Variants in UNC5C observed in about 807,000 individuals in gnomAD.
UNC5C encodes the protein unc-5 netrin receptor C.
In UNC5C, 47 loss-of-function variants were observed where a neutral mutation model predicts 99.8. That is an observed-to-expected ratio of 0.47 (90% confidence interval 0.37 to 0.60). The LOEUF is 0.60. Among genes scored for constraint, UNC5C ranks in the 20% least tolerant of loss-of-function variants. UNC5C has a pLI of 0.00. For missense variants in UNC5C, 1,062 were observed against 1,165.9 expected, an observed-to-expected ratio of 0.91 and a Z score of 1.30; for synonymous variants, 487 against 452.2, an observed-to-expected ratio of 1.08 and a Z score of -0.98.
chr4:95,527,867 C>T (rs1029382849), intron 1 of UNC5C, among the ~76,000 whole-genome samples: 2 of 152,088 alleles, frequency 1.3e-5, no homozygotes, highest in African/African-American at 4.8e-5. Flanking sequence ...TCACTTTACA[C>T]TATTCCCCTA....
At chr4:95,302,320 A>G (rs1301008367) in intron 2 of UNC5C, among the ~76,000 whole-genome samples, 1 of 152,242 alleles carries the variant, frequency 6.6e-6, no homozygotes, top group East Asian at 1.9e-4. Flanking sequence ...TAATAGTTTG[A>G]AAGCCCAAAA....
chr4:95,423,761 T>G (rs575714070), intron 1 of UNC5C, among the ~76,000 whole-genome samples: 31 of 152,318 alleles, frequency 2.0e-4, no homozygotes, highest in African/African-American at 7.0e-4. Context: ...TGCCCATTCC[T>G]GCACACATGA....
intron 1 of UNC5C, among the ~76,000 whole-genome samples, chr4:95,367,062 C>T (rs892164939): frequency 3.9e-5 from 6 of 152,070 alleles, no homozygotes; most frequent in African/African-American, 1.4e-4. Flanking sequence ...TTAGGTAGGG[C>T]AGAGTTTATT....
Position 95,185,126 on chromosome 4 carries a change from C to T in UNC5C, c.2207G>A (p.Gly736Asp). 6.2e-7 allele frequency: 1 copy of T among 1,613,982 alleles called. No homozygotes were observed. Among genetic ancestry groups the T allele is most frequent in the Non-Finnish European group, 8.5e-7 (1 of 1,179,998 alleles). ...LEEPKALHFK[G>D]STHNLRLSIH... ...TGACAGGCGCAGGTTGTGGGTGCTGCCTTTAAAATGAAGAGCCTTAGGTTC... is the reference window on the plus strand; with the variant it reads ...TGACAGGCGCAGGTTGTGGGTGCTGTCTTTAAAATGAAGAGCCTTAGGTTC... The change falls in exon 13 of 16, where the codon GGC becomes GAC. Residue 736 changes from glycine to aspartate, a missense_variant. This residue lies in a region of UNC5C where 810 missense variants were observed against 854.5 expected (regional missense o/e 0.95). Coordinates refer to ENST00000453304, the MANE Select transcript of UNC5C (RefSeq NM_003728.4).
intron 12 of UNC5C, among the ~76,000 whole-genome samples, chr4:95,188,919 A>G (rs1337232220): frequency 6.6e-6 from 1 of 152,216 alleles, no homozygotes; most frequent in Non-Finnish European, 1.5e-5. Context: ...TGTAACCACA[A>G]CACAGTGTGC....
rs1223077260 is a variant in UNC5C at position 95,166,909 on chromosome 4, C to T, written c.*2325G>A. On this transcript the variant is annotated 3_prime_UTR_variant, in exon 16 of 16. Coordinates refer to ENST00000453304, the MANE Select transcript of UNC5C (RefSeq NM_003728.4). ...GAACTTGTTTATAGTGCAATCTCTC[C>T]CTTCCCCAGTCAGTGTACAAATATT... 3 of 151,888 alleles carry T rather than the reference C, an allele frequency of 2.0e-5. No individual in the cohort carries two copies. Among genetic ancestry groups the T allele is most frequent in the East Asian group, 3.9e-4 (2 of 5,194 alleles). 9.4% of individuals were successfully genotyped at this position (151,888 alleles called of 1,614,324 possible). A position where few individuals can be genotyped will look rare whatever the true frequency, so the allele number is the denominator to read the frequency against.
chr4:95,499,166 T>C (rs1721706238), intron 1 of UNC5C, among the ~76,000 whole-genome samples: 1 of 152,026 alleles, frequency 6.6e-6, no homozygotes, highest in Non-Finnish European at 1.5e-5. Flanking sequence ...TGAGAAAAGG[T>C]TGGAATCTGG....
chr4:95,476,004 T>C (rs1259610540), intron 1 of UNC5C, among the ~76,000 whole-genome samples: 1 of 152,118 alleles, frequency 6.6e-6, no homozygotes, highest in African/African-American at 2.4e-5. Flanking sequence ...GTTAGATAAG[T>C]AAATATTTTG....
chr4:95,335,929 T>C (rs1743320451), intron 1 of UNC5C, among the ~76,000 whole-genome samples: 2 of 151,864 alleles, frequency 1.3e-5, no homozygotes, highest in Admixed American at 6.6e-5. Context: ...TTAAAAACCA[T>C]GATCTTCCCA....
chr4:95,423,225 G>C (rs1746370230), intron 1 of UNC5C, among the ~76,000 whole-genome samples: 1 of 152,260 alleles, frequency 6.6e-6, no homozygotes, highest in South Asian at 2.1e-4. Flanking sequence ...TTTCTCTCTG[G>C]GAATTGGAGG....
At chr4:95,281,043 C>T (rs1391386831) in intron 3 of UNC5C, among the ~76,000 whole-genome samples, 1 of 152,124 alleles carries the variant, frequency 6.6e-6, no homozygotes, top group African/African-American at 2.4e-5. Context: ...CAGTGAATAT[C>T]ATTTATGAGC....
intron 1 of UNC5C, among the ~76,000 whole-genome samples, chr4:95,340,481 T>C (rs958575712): frequency 2.0e-5 from 3 of 152,232 alleles, no homozygotes; most frequent in African/African-American, 7.2e-5. Flanking sequence ...ACTAGTTGAA[T>C]GAGACTCCAG....
Position 95,444,903 on chromosome 4 carries a change from T to C in UNC5C, c.124+103831A>G, listed in dbSNP as rs149183329. Among the ~76,000 whole-genome samples the C allele has an allele frequency of 5.9e-5, 9 of 152,228 alleles. No individual in the cohort carries two copies. In the East Asian group the frequency reaches 1.7e-3, roughly 29 times the overall value. On this transcript the variant is annotated intron_variant, in intron 1 of 15. Coordinates refer to ENST00000453304, the MANE Select transcript of UNC5C (RefSeq NM_003728.4). ...AACAGTTTTCAATTATATTTAGAAATGTACAGAGAAACATATGAAGAGCCA... is the reference window on the plus strand; with the variant it reads ...AACAGTTTTCAATTATATTTAGAAACGTACAGAGAAACATATGAAGAGCCA...
intron 1 of UNC5C, among the ~76,000 whole-genome samples, chr4:95,349,248 T>C (rs1743893799): frequency 1.3e-5 from 2 of 150,136 alleles, no homozygotes; most frequent in Admixed American, 1.3e-4. Context: ...CATAACTGTA[T>C]ACACCTACTC....
chr4:95,210,695 T>C (rs1738046094), intron 10 of UNC5C, among the ~76,000 whole-genome samples: 1 of 152,226 alleles, frequency 6.6e-6, no homozygotes, highest in African/African-American at 2.4e-5. Flanking sequence ...TTTAAATGTT[T>C]TCCAAAGTCC....
At chr4:95,276,510 CT>C (rs752593447) in intron 4 of UNC5C, among the ~76,000 whole-genome samples, 2 of 152,070 alleles carry the variant, frequency 1.3e-5, no homozygotes, top group Non-Finnish European at 2.9e-5. Context: ...CACCTAAAGT[CT>C]TTGCAAGGAT....
chr4:95,235,868 T>C (rs1336942078), intron 7 of UNC5C, among the ~76,000 whole-genome samples: 1 of 152,024 alleles, frequency 6.6e-6, no homozygotes, highest in Non-Finnish European at 1.5e-5. Flanking sequence ...GAAATGCAAA[T>C]CAAAACCACA....
chr4:95,493,001 A>T (rs570353455), intron 1 of UNC5C, among the ~76,000 whole-genome samples: 3 of 151,598 alleles, frequency 2.0e-5, no homozygotes, highest in African/African-American at 7.2e-5. Flanking sequence ...TAAACTACAG[A>T]AAAGCTAAAA....
rs1560724177 is a variant in UNC5C at position 95,192,601 on chromosome 4, T to TCCCTGCTCACCTTCTC, written c.2137-7421_2137-7406dup. Among the ~76,000 whole-genome samples the TCCCTGCTCACCTTCTC allele has an allele frequency of 8.9e-5, 10 of 112,056 alleles. No individual in the cohort carries two copies. In the East Asian group the frequency reaches 1.3e-3, roughly 14 times the overall value. 73.5% of individuals were successfully genotyped at this position (112,056 alleles called of 152,430 possible). On this transcript the variant is annotated intron_variant, in intron 12 of 15. Coordinates refer to ENST00000453304, the MANE Select transcript of UNC5C (RefSeq NM_003728.4). ...TCACCTCCTCACCTTCTCACCTCCT[T>TCCCTGCTCACCTTCTC]CCCTGCTCACCTTCTCCCCTGCTCA...
Sources: allele counts gnomAD v4.1 joint callset (sites outside exome capture counted in the v4.1 genomes callset), GRCh38; gene constraint gnomAD v4.1.1; regional missense constraint gnomAD v4.1.1; transcripts MANE v1.5; gene names NCBI Gene and HGNC (gene_info 2026-07-23, HGNC 2026-07-21).